NEGR1: variants seen among roughly 807,000 people sequenced by gnomAD.
The protein encoded by NEGR1 is neuronal growth regulator 1, also known as IgLON family member 4.
In NEGR1, 10 loss-of-function variants were observed where a neutral mutation model predicts 40.9. The observed-to-expected ratio is 0.24, with a 90% CI of 0.15 to 0.42. The LOEUF (loss-of-function observed/expected upper bound fraction) is 0.42, where lower values mean the gene tolerates loss of function less well. Among genes scored for constraint, NEGR1 ranks in the 10% least tolerant of loss-of-function variants. The pLI, the probability that NEGR1 is intolerant of heterozygous loss-of-function variation, is 1.00. For missense variants in NEGR1, 352 were observed against 438.9 expected (o/e 0.80, Z 1.77); for synonymous variants, 185 against 166.8 (o/e 1.11, Z -0.84).
At position 71,996,440 on chromosome 1, in the gene NEGR1, C is replaced by T. The variant is rs17092088; in HGVS notation, c.177-61129G>A. Among the ~76,000 whole-genome samples the T allele has an allele frequency of 4.8e-3, 724 of 152,194 alleles. 4 individuals carry two copies. The highest frequency in any genetic ancestry group is 0.016 in the African/African-American group (665 of 41,526). On this transcript the variant is annotated intron_variant, in intron 1 of 6. Coordinates refer to ENST00000357731, the MANE Select transcript of NEGR1 (RefSeq NM_173808.3). ...TGATGTTTCAAACCTTTTCTAAAAC[C>T]CCTGAGGACCTAATCAGTTCCATCA...
chr1:71,871,318 A>G (rs1029652790), intron 2 of NEGR1, among the ~76,000 whole-genome samples: 9 of 152,190 alleles, frequency 5.9e-5, no homozygotes, highest in Non-Finnish European at 1.0e-4. Flanking sequence ...TGAAATTCCA[A>G]TAGTTCTTCA....
intron 1 of NEGR1, among the ~76,000 whole-genome samples, chr1:72,222,956 A>G (rs1654061501): frequency 6.6e-6 from 1 of 152,140 alleles, no homozygotes; most frequent in South Asian, 2.1e-4. Context: ...GATGTTGGAA[A>G]TGTTCTCTAT....
intron 2 of NEGR1, among the ~76,000 whole-genome samples, chr1:71,913,928 A>C (rs1344139087): frequency 2.0e-5 from 3 of 152,146 alleles, no homozygotes; most frequent in Non-Finnish European, 4.4e-5. Context: ...TTTTCCCAGT[A>C]TGTCTCTAAT....
chr1:71,958,459 G>A (rs565728817), intron 1 of NEGR1, among the ~76,000 whole-genome samples: 12 of 152,258 alleles, frequency 7.9e-5, no homozygotes, highest in African/African-American at 2.6e-4. Flanking sequence ...AGGAAAGGAC[G>A]AAGAGGAGAC....
intron 1 of NEGR1, among the ~76,000 whole-genome samples, chr1:72,126,325 A>G (rs1650023450): frequency 6.6e-6 from 1 of 152,210 alleles, no homozygotes; most frequent in Admixed American, 6.5e-5. Flanking sequence ...AACAATTGTA[A>G]TAACTTTCTT....
At chr1:71,986,834 TC>T (rs1444154737) in intron 1 of NEGR1, among the ~76,000 whole-genome samples, 10 of 152,338 alleles carry the variant, frequency 6.6e-5, no homozygotes, top group Admixed American at 1.3e-4. Context: ...CAGAGATTTC[TC>T]ACAGTTCTTC....
chr1:71,942,248 A>G (rs1485788987), intron 1 of NEGR1, among the ~76,000 whole-genome samples: 1 of 147,710 alleles, frequency 6.8e-6, no homozygotes, highest in Non-Finnish European at 1.5e-5. Flanking sequence ...ATAAGACCAA[A>G]TCCTCGAACA....
intron 5 of NEGR1, among the ~76,000 whole-genome samples, chr1:71,598,994 C>T (rs1342640964): frequency 1.3e-5 from 2 of 152,068 alleles, no homozygotes; most frequent in African/African-American, 2.4e-5. Context: ...TAAGCATGTA[C>T]TATAGTGTTG....
intron 2 of NEGR1, among the ~76,000 whole-genome samples, chr1:71,806,018 T>G (rs747346650): frequency 1.3e-5 from 2 of 152,290 alleles, no homozygotes; most frequent in South Asian, 4.1e-4. Flanking sequence ...AAATTTCCAT[T>G]ATTATTTCTA....
intron 1 of NEGR1, among the ~76,000 whole-genome samples, chr1:72,213,347 A>AT (rs150366041): frequency 0.013 from 1,943 of 151,806 alleles, 33 homozygotes; most frequent in African/African-American, 0.043. Context: ...TGCTTAGAAG[A>AT]TTTTTTTTGT....
At chr1:71,691,762 C>T (rs1431919020) in intron 4 of NEGR1, among the ~76,000 whole-genome samples, 5 of 151,688 alleles carry the variant, frequency 3.3e-5, no homozygotes, top group Non-Finnish European at 5.9e-5. Context: ...TGTTTTGTGT[C>T]TTGATCTGAC....
chr1:71,450,716 A>G (rs1646620823), intron 6 of NEGR1, among the ~76,000 whole-genome samples: 1 of 152,074 alleles, frequency 6.6e-6, no homozygotes, highest in South Asian at 2.1e-4. Context: ...AGGCTGAGGC[A>G]GGAGAATCGC....
intron 4 of NEGR1, among the ~76,000 whole-genome samples, chr1:71,695,740 ACT>A (rs1454871977): frequency 6.6e-6 from 1 of 151,856 alleles, no homozygotes; most frequent in East Asian, 1.9e-4. Flanking sequence ...AAGCAGAGAC[ACT>A]GACAGCTTTT....
chr1:71,941,615 T>A (rs1047302754), intron 1 of NEGR1, among the ~76,000 whole-genome samples: 1 of 152,092 alleles, frequency 6.6e-6, no homozygotes, highest in African/African-American at 2.4e-5. Flanking sequence ...CCAGTGAACT[T>A]CAATTATTTA....
At chr1:72,187,613 C>G (rs1652659197) in intron 1 of NEGR1, among the ~76,000 whole-genome samples, 1 of 151,176 alleles carries the variant, frequency 6.6e-6, no homozygotes, top group African/African-American at 2.4e-5. Flanking sequence ...TACTCTAAAC[C>G]TTAAAAATAT....
chr1:72,282,465 AGCACCCT>A lies in NEGR1; in HGVS notation c.23_29del (p.Gln8LeufsTer39). 6.2e-7 allele frequency: 1 copy of A among 1,613,504 alleles called. No individual in the cohort carries two copies. Among genetic ancestry groups the A allele is most frequent in the East Asian group, 2.2e-5 (1 of 44,812 alleles). The stretch of plus-strand genomic sequence containing the variant: ...CCGCCAGCCACTGGTTCGAGCAACA[AGCACCCT>A]GCACCAACAGCATCATGTCCATCCC... On this transcript the variant is annotated frameshift_variant, in exon 1 of 7. Coordinates refer to ENST00000357731, the MANE Select transcript of NEGR1 (RefSeq NM_173808.3). LOFTEE classifies it high-confidence loss of function.
intron 3 of NEGR1, among the ~76,000 whole-genome samples, chr1:71,771,289 G>A (rs988995150): frequency 6.6e-6 from 1 of 152,050 alleles, no homozygotes; most frequent in Non-Finnish European, 1.5e-5. Flanking sequence ...CACACACTGG[G>A]GCCTGTCAGG....
chr1:72,060,728 C>T lies in NEGR1; in HGVS notation c.177-125417G>A, dbSNP rs1240312115. ...CCAACAATAAACATTACTCAAGTTC[C>T]AAAAGTTTCCATGTAATTAACTAAG... is the stretch of plus-strand genomic sequence containing the variant. On this transcript the variant is annotated intron_variant, in intron 1 of 6. Coordinates refer to ENST00000357731, the MANE Select transcript of NEGR1 (RefSeq NM_173808.3). Among the ~76,000 whole-genome samples the T allele has an allele frequency of 6.6e-5, 10 of 151,598 alleles. No individual in the cohort carries two copies. The Admixed American group carries it at 6.6e-4, about 10-fold the overall frequency.
At chr1:71,696,383 T>C (rs1044808584) in intron 4 of NEGR1, among the ~76,000 whole-genome samples, 2 of 151,768 alleles carry the variant, frequency 1.3e-5, no homozygotes, top group African/African-American at 4.8e-5. Context: ...GGGTTTTCAA[T>C]TTCATCCCTA....
Sources: allele counts gnomAD v4.1 joint callset (sites outside exome capture counted in the v4.1 genomes callset), GRCh38; gene constraint gnomAD v4.1.1; transcripts MANE v1.5; gene names NCBI Gene and HGNC (gene_info 2026-07-23, HGNC 2026-07-21).